Variants in SFMBT2 observed in about 807,000 individuals in gnomAD.
The protein encoded by SFMBT2 is scm-like with four MBT domains protein 2.
Under a neutral mutation model 110.1 loss-of-function variants are expected in SFMBT2, and 38 were observed. The observed-to-expected ratio is 0.35, with a 90% CI of 0.27 to 0.45. SFMBT2 has a LOEUF of 0.45. SFMBT2 is among the 20% of genes least tolerant of loss of function. The probability of loss-of-function intolerance (pLI) is 1.00; values close to 1 mark genes in which losing one functional copy is unlikely to be tolerated. For synonymous variants in SFMBT2, 425 were observed against 425.4 expected (o/e 1.00, Z 0.01); for missense variants, 1,011 against 1,094.9 (o/e 0.92, Z 1.08).
At chr10:7,212,590 A>C (rs1255733689) in intron 11 of SFMBT2, among the ~76,000 whole-genome samples, 1 of 152,200 alleles carries the variant, frequency 6.6e-6, no homozygotes, top group African/African-American at 2.4e-5. Flanking sequence ...TTTACTAAGC[A>C]ATGACTACTA....
rs369617105 is a variant in SFMBT2, at chr10:7,188,932, G to A, written c.1699-199C>T. The stretch of plus-strand genomic sequence containing the variant: ...GTTTCACCATCCATGGACAAAAAGC[G>A]TGGTAAAATACAATCTCTCTGGCTA... On this transcript the variant is annotated intron_variant, in intron 15 of 20. Transcript: ENST00000397167. Among the ~76,000 whole-genome samples the A allele has an allele frequency of 1.2e-3, 184 of 152,336 alleles. 1 individual carries two copies. Among genetic ancestry groups the A allele is most frequent in the Admixed American group, 4.1e-3 (63 of 15,294 alleles).
chr10:7,258,988 G>C (rs1439737729), intron 7 of SFMBT2, among the ~76,000 whole-genome samples: 3 of 152,200 alleles, frequency 2.0e-5, no homozygotes, highest in African/African-American at 7.2e-5. Context: ...ATTCAATCAA[G>C]TTAAAAAATA....
At chr10:7,294,097 T>C (rs1419677306) in intron 4 of SFMBT2, among the ~76,000 whole-genome samples, 1 of 152,150 alleles carries the variant, frequency 6.6e-6, no homozygotes, top group African/African-American at 2.4e-5. Flanking sequence ...TTCATTCAGG[T>C]TCCCCATGAA....
rs1837923641 is a variant in SFMBT2 at position 7,172,645 on chromosome 10, C to T, written c.2001G>A (p.Lys667=). The T allele has an allele frequency of 6.2e-7, 1 of 1,613,900 alleles. No individual in the cohort carries two copies. Among genetic ancestry groups the T allele is most frequent in the African/African-American group, 1.3e-5 (1 of 74,920 alleles). Reference sequence around the variant, plus strand: ...TGGGGGGCTTGGAGATCTTCTTTCTCTTTCCATAGTAATAGGCTGTAGGAA... The same window carrying T: ...TGGGGGGCTTGGAGATCTTCTTTCTTTTTCCATAGTAATAGGCTGTAGGAA... The part of the protein sequence containing the change: ...TKTKYTYYYG[K]RKKISKPPIG... Residue 667 remains lysine (K), a synonymous_variant, in exon 18 of 21, where the codon AAG becomes AAA. Transcript: ENST00000397167. This position sits in a 1 kb window ranked among gnomAD's most constrained non-coding sequence, Gnocchi z 4.6.
intron 9 of SFMBT2, among the ~76,000 whole-genome samples, chr10:7,237,960 G>A (rs1032459427): frequency 4.6e-5 from 7 of 152,140 alleles, no homozygotes; most frequent in Admixed American, 6.5e-5. Flanking sequence ...CAGGTGCCAC[G>A]TCAGGGAGAT....
Position 7,159,672 on chromosome 10 carries a change from A to C in SFMBT2, c.*4098T>G, listed in dbSNP as rs1370091845. The C allele has an allele frequency of 6.6e-6, 1 of 152,224 alleles. No individual in the cohort carries two copies. The highest frequency in any genetic ancestry group is 1.5e-5 in the Non-Finnish European group (1 of 68,040). 9.4% of individuals were successfully genotyped at this position (152,224 alleles called of 1,614,324 possible). On this transcript the variant is annotated 3_prime_UTR_variant, in exon 21 of 21. Transcript: ENST00000397167. ...ACGATCACAGCTTTCTAAAGACAGA[A>C]GAGAGAGGAAGTGAAGCCTTGATTC...
intron 9 of SFMBT2, chr10:7,228,363 G>C (rs1839961135): frequency 7.6e-6 from 6 of 786,320 alleles, no homozygotes; most frequent in Middle Eastern, 6.4e-4. Context: ...GATTTTACTG[G>C]GAAATAAAAA....
chr10:7,340,850 G>T (rs1314948322), intron 4 of SFMBT2, among the ~76,000 whole-genome samples: 1 of 148,556 alleles, frequency 6.7e-6, no homozygotes, highest in African/African-American at 2.5e-5. Flanking sequence ...AACAAACAAA[G>T]TAACTGGGAC....
intron 11 of SFMBT2, among the ~76,000 whole-genome samples, chr10:7,219,176 C>A (rs1839640860): frequency 6.6e-6 from 1 of 152,124 alleles, no homozygotes; most frequent in Admixed American, 6.5e-5. Flanking sequence ...AGCAGTTCAC[C>A]CAACTCTAGG....
chr10:7,310,668 A>G (rs1842824653), intron 4 of SFMBT2, among the ~76,000 whole-genome samples: 1 of 152,166 alleles, frequency 6.6e-6, no homozygotes, highest in African/African-American at 2.4e-5. Flanking sequence ...TAAGGCTCAT[A>G]TGAAGTTGCT....
chr10:7,378,682 G>A (rs1845338946), intron 2 of SFMBT2, among the ~76,000 whole-genome samples: 2 of 149,392 alleles, frequency 1.3e-5, no homozygotes, highest in African/African-American at 4.9e-5. Context: ...ATGTGTGGAT[G>A]GGTGGATGGT....
intron 9 of SFMBT2, chr10:7,241,241 T>C: frequency 5.3e-6 from 4 of 749,568 alleles, no homozygotes; most frequent in Non-Finnish European, 6.5e-6. Flanking sequence ...CCTTCTCCTA[T>C]ATAAATTACC....
intron 11 of SFMBT2, among the ~76,000 whole-genome samples, chr10:7,217,451 A>G (rs1839576995): frequency 6.6e-6 from 1 of 152,188 alleles, no homozygotes; most frequent in Non-Finnish European, 1.5e-5. Context: ...CTAGAAATCT[A>G]CCAGGTCTCA....
chr10:7,221,456 C>G (rs1839734413), intron 10 of SFMBT2, among the ~76,000 whole-genome samples: 1 of 151,774 alleles, frequency 6.6e-6, no homozygotes. Flanking sequence ...ATCCCGGCTA[C>G]TCGGGAGGCT....
At chr10:7,326,358 G>A (rs960379203) in intron 4 of SFMBT2, among the ~76,000 whole-genome samples, 1 of 152,152 alleles carries the variant, frequency 6.6e-6, no homozygotes, top group Non-Finnish European at 1.5e-5. Context: ...TCTTCCAGGC[G>A]CTGAGGGACA....
intron 16 of SFMBT2, among the ~76,000 whole-genome samples, chr10:7,182,746 T>G: frequency 6.7e-6 from 1 of 149,254 alleles, no homozygotes; most frequent in African/African-American, 2.5e-5. Context: ...GGGATAGCAT[T>G]AGGAGATATA....
intron 4 of SFMBT2, among the ~76,000 whole-genome samples, chr10:7,292,785 G>A (rs1281098249): frequency 6.6e-6 from 1 of 152,176 alleles, no homozygotes; most frequent in Non-Finnish European, 1.5e-5. Flanking sequence ...AGGAGGCTGA[G>A]GCGGGCGGAT....
intron 13 of SFMBT2, 74 bp from the exon 14 acceptor site, chr10:7,200,558 A>G (rs1838920520): frequency 7.9e-7 from 1 of 1,271,250 alleles, no homozygotes; most frequent in Non-Finnish European, 1.1e-6. Flanking sequence ...AAGTCTTACC[A>G]TAATTTAAAA....
chr10:7,313,489 T>C (rs2131908689), intron 4 of SFMBT2, among the ~76,000 whole-genome samples: 1 of 152,302 alleles, frequency 6.6e-6, no homozygotes, highest in East Asian at 1.9e-4. Flanking sequence ...CGATAGTTTT[T>C]GTGTTTTCTC....
Sources: gnomAD v4.1 joint callset for allele counts (sites outside exome capture counted in the v4.1 genomes callset) on GRCh38, gnomAD v4.1.1 for gene constraint, Gnocchi (gnomAD v3.1) non-coding constraint, MANE v1.5 for transcripts, NCBI Gene and HGNC (gene_info 2026-07-23, HGNC 2026-07-21) for gene names.